NTN3: variants seen among roughly 807,000 people sequenced by gnomAD.
NTN3 encodes the protein netrin 3, also known as netrin-3.
NTN3 carries 44 observed loss-of-function variants against 37.2 expected under a neutral mutation model. That is an observed-to-expected ratio of 1.18 (90% CI 0.93 to 1.52). NTN3 has a LOEUF of 1.52. Ranked by LOEUF, NTN3 falls within the 40% of genes most tolerant of loss-of-function variation. NTN3 has a pLI of 0.00. For missense variants in NTN3, 882 were observed against 857.3 expected (o/e 1.03, Z -0.36); for synonymous variants, 385 against 376.0 (o/e 1.02, Z -0.28).
In NTN3 at chr16:2,471,830, A is replaced by G; in HGVS notation, c.129A>G (p.Gly43=). The change falls in exon 1 of 6, where the codon GGA becomes GGG. Residue 43 remains glycine (G), a synonymous_variant. Transcript: ENST00000293973. ...EGGAPRGCVP[G]LVNAALGREV... ...GTGCGCCCCGCGGCTGCGTGCCAGG[A>G]CTGGTGAACGCCGCCCTGGGCCGCG... 1 of 1,435,120 alleles carries G rather than the reference A, an allele frequency of 7.0e-7. No homozygotes were observed. The highest frequency in any genetic ancestry group is 9.1e-7 in the Non-Finnish European group (1 of 1,104,126). 88.9% of individuals were successfully genotyped at this position (1,435,120 alleles called of 1,614,324 possible).
Position 2,472,607 on chromosome 16 carries a change from C to A in NTN3, c.906C>A (p.Ala302=). 1 of 1,595,374 alleles carries A rather than the reference C, an allele frequency of 6.3e-7. No individual in the cohort carries two copies. The highest frequency in any genetic ancestry group is 8.6e-7 in the Non-Finnish European group (1 of 1,168,980). Residue 302 remains alanine, a synonymous_variant, in exon 1 of 6, where the codon GCC becomes GCA. Coordinates refer to ENST00000293973, the MANE Select transcript of NTN3 (RefSeq NM_006181.3). The part of the protein sequence containing the change: ...YCDRPWQRAT[A]RESHACLACS... ...ACAGGCCATGGCAGCGGGCCACTGC[C>A]CGGGAATCCCACGCCTGCCTCGGTG...
Position 2,472,751 on chromosome 16 carries a change from T to G in NTN3, c.979T>G (p.Tyr327Asp). 2 of 1,609,168 alleles carry G rather than the reference T, an allele frequency of 1.2e-6. No homozygotes were observed. The highest frequency in any genetic ancestry group is 2.7e-5 in the African/African-American group (2 of 75,010). Residue 327 changes from tyrosine (Y) to aspartate (D), a missense_variant, in exon 2 of 6, where the codon TAC (tyrosine) becomes GAC (aspartate). By Grantham distance (160) the Tyr-to-Asp change is radical (BLOSUM62 -3). Transcript: ENST00000293973. ...ARRCRFNMELYRLSGRRSGGV... is the reference protein window; with the variant it reads ...ARRCRFNMELDRLSGRRSGGV... ...CCGCTGCCGCTTCAACATGGAGCTGTACCGACTGTCCGGCCGCCGCAGCGG... is the reference window on the plus strand; with the variant it reads ...CCGCTGCCGCTTCAACATGGAGCTGGACCGACTGTCCGGCCGCCGCAGCGG...
At chr16:2,473,528 G>A (rs760106729) in intron 5 of NTN3, 25 bp downstream of exon 5, 1 of 1,604,276 alleles carries the variant, frequency 6.2e-7, no homozygotes, top group South Asian at 1.1e-5. Context: ...GCCTCCCGCG[G>A]ACCTTCCCAC....
chr16:2,471,936 G>A lies in NTN3; in HGVS notation c.235G>A (p.Ala79Thr), dbSNP rs778441613. 9 of 1,550,926 alleles carry A rather than the reference G, an allele frequency of 5.8e-6. No homozygotes were observed. The South Asian group carries it at 5.9e-5, about 10-fold the overall frequency. The change falls in exon 1 of 6, where the codon GCC becomes ACC. Residue 79 changes from alanine (A) to threonine (T), a missense_variant. Transcript: ENST00000293973. ...CGACCCGCGACGGGCACACTCCCCC[G>A]CCCTCCTTACTTCCCCAGGGGGCAC... ...ASDPRRAHSPALLTSPGGTAS... is the reference protein window; with the variant it reads ...ASDPRRAHSPTLLTSPGGTAS...
chr16:2,472,624 G>T lies in NTN3; in HGVS notation c.923G>T (p.Cys308Phe). ...QRATARESHA[C>F]LACSCNGHAR... ...GCCACTGCCCGGGAATCCCACGCCTGCCTCGGTGAGGCCTTGGAGGGTGGC... is the reference window on the plus strand; with the variant it reads ...GCCACTGCCCGGGAATCCCACGCCTTCCTCGGTGAGGCCTTGGAGGGTGGC... The change falls in exon 1 of 6, where the codon TGC (cysteine) becomes TTC (phenylalanine). Residue 308 changes from cysteine (C) to phenylalanine (F), a missense_variant. By Grantham distance (205) the Cys-to-Phe change is radical (BLOSUM62 -2). Transcript: ENST00000293973. 1 of 1,596,000 alleles carries T rather than the reference G, an allele frequency of 6.3e-7. No homozygotes were observed.
chr16:2,473,621 C>A, intron 5 of NTN3, 118 bp downstream of exon 5: 1 of 1,283,110 alleles, frequency 7.8e-7, no homozygotes. Context: ...GGCCCATCCT[C>A]ATCCCTCAGG....
intron 2 of NTN3, 43 bp from the exon 3 acceptor site, chr16:2,472,942 C>T (rs1346963766): frequency 1.3e-6 from 2 of 1,580,110 alleles, no homozygotes; most frequent in African/African-American, 1.3e-5. Context: ...TCCCAGATCC[C>T]CAGACAGGCT....
Position 2,471,894 on chromosome 16 carries a change from C to G in NTN3, c.193C>G (p.Arg65Gly). ...CAGCACGTGCGGGCGGCCGGCCACT[C>G]GGGCCTGCGACGCCTCCGACCCGCG... ...ASSTCGRPAT[R>G]ACDASDPRRA... Residue 65 changes from arginine (R) to glycine (G), a missense_variant, in exon 1 of 6, where the codon CGG (arginine) becomes GGG (glycine). Arg to Gly is a moderately radical substitution (Grantham distance 125). Coordinates refer to ENST00000293973, the MANE Select transcript of NTN3 (RefSeq NM_006181.3). The G allele has an allele frequency of 6.7e-7, 1 of 1,493,094 alleles. No homozygotes were observed. 92.5% of individuals were successfully genotyped at this position (1,493,094 alleles called of 1,614,324 possible).
chr16:2,473,143 C>A lies in NTN3; in HGVS notation c.1267+9C>A. 1 of 1,586,164 alleles carries A rather than the reference C, an allele frequency of 6.3e-7. No individual in the cohort carries two copies. The highest frequency in any genetic ancestry group is 8.6e-7 in the Non-Finnish European group (1 of 1,164,866). On this transcript the variant is annotated intron_variant, in intron 3 of 5. Transcript: ENST00000293973. The stretch of plus-strand genomic sequence containing the variant: ...AGTGGCGCCCTGTGTTAGTGAGTGA[C>A]CCTGCCCCGCCTCAGCCACCAAGCC...
rs945804945 is a variant in NTN3 at position 2,473,149 on chromosome 16, C to T, written c.1267+15C>T. ...GCCCTGTGTTAGTGAGTGACCCTGC[C>T]CCGCCTCAGCCACCAAGCCAAGGCC... On this transcript the variant is annotated intron_variant, in intron 3 of 5. Transcript: ENST00000293973. 3 of 1,592,602 alleles carry T rather than the reference C, an allele frequency of 1.9e-6. No individual in the cohort carries two copies. Among genetic ancestry groups the T allele is most frequent in the Non-Finnish European group, 2.6e-6 (3 of 1,167,500 alleles).
Position 2,471,437 on chromosome 16 carries a change from G to C in NTN3, c.-265G>C, listed in dbSNP as rs1428511273. ...TGGGTGAGTGCGAGCGGCGGGTGGG[G>C]CCTCCGCGGGCGGAGGCACCGGGAG... On this transcript the variant is annotated 5_prime_UTR_variant, in exon 1 of 6. Transcript: ENST00000293973. 1 of 323,378 alleles carries C rather than the reference G, an allele frequency of 3.1e-6. No homozygotes were observed. Among genetic ancestry groups the C allele is most frequent in the African/African-American group, 2.1e-5 (1 of 46,560 alleles). 20.0% of individuals were successfully genotyped at this position (323,378 alleles called of 1,614,324 possible).
At chr16:2,472,946 A>G (rs1019419379) in intron 2 of NTN3, 39 bp from the exon 3 acceptor site, 1 of 1,580,110 alleles carries the variant, frequency 6.3e-7, no homozygotes, top group Non-Finnish European at 8.6e-7. Context: ...AGATCCCCAG[A>G]CAGGCTTCTG....
Position 2,471,772 on chromosome 16 carries a change from C to A in NTN3, c.71C>A (p.Pro24Gln), listed in dbSNP as rs1007931463. Residue 24 changes from proline to glutamine, a missense_variant, in exon 1 of 6, where the codon CCG (proline) becomes CAG (glutamine). Pro to Gln is a moderately conservative substitution (Grantham distance 76). Coordinates refer to ENST00000293973, the MANE Select transcript of NTN3 (RefSeq NM_006181.3). Reference sequence around the variant, plus strand: ...TTCGCCGCCCTGAGTCCTGGGCCGCCGGCGCCCGCCGACCCCTGCCACGAT... The same window carrying A: ...TTCGCCGCCCTGAGTCCTGGGCCGCAGGCGCCCGCCGACCCCTGCCACGAT... ...TLFAALSPGP[P>Q]APADPCHDEG... 4 of 1,381,292 alleles carry A rather than the reference C, an allele frequency of 2.9e-6. No individual in the cohort carries two copies. The highest frequency in any genetic ancestry group is 2.6e-4 in the Middle Eastern group (1 of 3,818). The allele number at this position is 1,381,292 out of a possible 1,614,324, so 85.6% of individuals were successfully genotyped here.
chr16:2,471,898 C>T lies in NTN3; in HGVS notation c.197C>T (p.Ala66Val). Residue 66 changes from alanine to valine, a missense_variant, in exon 1 of 6, where the codon GCC (alanine) becomes GTC (valine). Ala to Val is a moderately conservative substitution (Grantham distance 64). Transcript: ENST00000293973. ...SSTCGRPATRACDASDPRRAH... is the reference protein window; with the variant it reads ...SSTCGRPATRVCDASDPRRAH... ...ACGTGCGGGCGGCCGGCCACTCGGG[C>T]CTGCGACGCCTCCGACCCGCGACGG... 1 of 1,521,490 alleles carries T rather than the reference C, an allele frequency of 6.6e-7. No individual in the cohort carries two copies. The highest frequency in any genetic ancestry group is 8.8e-7 in the Non-Finnish European group (1 of 1,141,490). 94.2% of individuals were successfully genotyped at this position (1,521,490 alleles called of 1,614,324 possible).
chr16:2,471,402 C>A lies in NTN3; in HGVS notation c.-300C>A. 3.9e-6 allele frequency: 1 copy of A among 257,974 alleles called. No individual in the cohort carries two copies. 16.0% of individuals were successfully genotyped at this position (257,974 alleles called of 1,614,324 possible). On this transcript the variant is annotated 5_prime_UTR_variant, in exon 1 of 6. Transcript: ENST00000293973. ...GGGAGGCCGGGAGACCTGCTCCGCC[C>A]GGCCCTCGGTGGGTGAGTGCGAGCG...
In NTN3 at chr16:2,473,954, GGCCTGGAGCCGC is replaced by G. The variant is rs2065540812; in HGVS notation, c.1594_1605del (p.Pro532_Ala535del). Reference sequence around the variant, plus strand: ...CGCCGCTACCTCCTGCTGGGGGGCGGGCCTGGAGCCGCGGCTGGGGGCGCGGGGGGCCGGGGG... The same window carrying G: ...CGCCGCTACCTCCTGCTGGGGGGCGGGGCTGGGGGCGCGGGGGGCCGGGGG... On this transcript the variant is annotated inframe_deletion, in exon 6 of 6. Transcript: ENST00000293973. 2 of 1,170,284 alleles carry G rather than the reference GGCCTGGAGCCGC, an allele frequency of 1.7e-6. No individual in the cohort carries two copies. Among genetic ancestry groups the G allele is most frequent in the African/African-American group, 3.2e-5 (2 of 61,844 alleles). The allele number at this position is 1,170,284 out of a possible 1,614,324, so 72.5% of individuals were successfully genotyped here.
chr16:2,473,777 C>T lies in NTN3; in HGVS notation c.1415C>T (p.Ala472Val). The T allele has an allele frequency of 7.2e-7, 1 of 1,384,178 alleles. No individual in the cohort carries two copies. Among genetic ancestry groups the T allele is most frequent in the Non-Finnish European group, 9.3e-7 (1 of 1,077,664 alleles). 85.7% of individuals were successfully genotyped at this position (1,384,178 alleles called of 1,614,324 possible). A position where few individuals can be genotyped will look rare whatever the true frequency, so the allele number is the denominator to read the frequency against. Residue 472 changes from alanine to valine, a missense_variant, in exon 6 of 6, where the codon GCG (alanine) becomes GTG (valine). By Grantham distance (64) the Ala-to-Val change is moderately conservative. Coordinates refer to ENST00000293973, the MANE Select transcript of NTN3 (RefSeq NM_006181.3). Reference protein sequence around the residue: ...KDYAVQVAVGARGEARGAWTR... With the variant: ...KDYAVQVAVGVRGEARGAWTR... ...GCAGCGGTGCAGGTGGCGGTGGGTG[C>T]GCGCGGCGAGGCGCGCGGCGCGTGG...
rs752829065 is a variant in NTN3 at position 2,472,393 on chromosome 16, G to A, written c.692G>A (p.Gly231Asp). 6.2e-7 allele frequency: 1 copy of A among 1,612,766 alleles called. No homozygotes were observed. Among genetic ancestry groups the A allele is most frequent in the South Asian group, 1.1e-5 (1 of 91,088 alleles). ...RVVLTRPSTA[G>D]DPRDMEAVVP... ...GTGCTCACAAGGCCTAGCACGGCAG[G>A]TGACCCCAGGGACATGGAGGCCGTC... is the stretch of plus-strand genomic sequence containing the variant. Residue 231 changes from glycine to aspartate, a missense_variant, in exon 1 of 6, where the codon GGT becomes GAT. Transcript: ENST00000293973.
rs2065525332 is a variant in NTN3, at chr16:2,472,164, G to T, written c.463G>T (p.Asp155Tyr). ...GCTGGGCTTCTTCTCCTCCCACTGT[G>T]ACCTGGACTATGGCCGTCTGCCTGC... ...APLGFFSSHCDLDYGRLPAPA... is the reference protein window; with the variant it reads ...APLGFFSSHCYLDYGRLPAPA... Residue 155 changes from aspartate (D) to tyrosine (Y), a missense_variant, in exon 1 of 6, where the codon GAC becomes TAC. Transcript: ENST00000293973. 9.3e-6 allele frequency: 15 copies of T among 1,608,580 alleles called. No individual in the cohort carries two copies. The highest frequency in any genetic ancestry group is 1.2e-5 in the Non-Finnish European group (14 of 1,179,856).
Sources: allele counts gnomAD v4.1 joint callset, GRCh38; gene constraint gnomAD v4.1.1; transcripts MANE v1.5; gene names NCBI Gene and HGNC (gene_info 2026-07-23, HGNC 2026-07-21).